Variants in NOTCH2 observed in about 807,000 individuals in gnomAD.
NOTCH2 encodes the protein notch receptor 2, also known as neurogenic locus notch homolog protein 2.
A neutral mutation model predicts 235.8 loss-of-function variants in NOTCH2; 29 were observed. The ratio of observed to expected loss-of-function variants is 0.12; its 90% CI spans 0.09 to 0.17. NOTCH2 has a LOEUF of 0.17. Ranked by LOEUF, NOTCH2 falls within the 10% of genes least tolerant of loss-of-function variation. The pLI is 1.00. For synonymous variants in NOTCH2, 1,086 were observed against 1,141.5 expected (o/e 0.95, Z 0.98); for missense variants, 2,285 against 3,150.2 (o/e 0.73, Z 6.57).
rs1453268280 is a variant in NOTCH2 at position 120,053,676 on chromosome 1, A to G, written c.73+15658T>C. 4.9e-5 allele frequency among the ~76,000 whole-genome samples: 7 copies of G among 141,832 alleles called. No individual in the cohort carries two copies. In the East Asian group the frequency reaches 1.4e-3, roughly 28 times the overall value. The allele number at this position is 141,832 out of a possible 152,430, so 93.0% of individuals were successfully genotyped here. On this transcript the variant is annotated intron_variant, in intron 1 of 33. Coordinates refer to ENST00000256646, the MANE Select transcript of NOTCH2 (RefSeq NM_024408.4). ...GGTGATCCATAATCTTGCGTTGGCC[A>G]TGAAGCAGAGCCTAAAAGGAGTCAT...
intron 3 of NOTCH2, 35 bp downstream of exon 3, chr1:120,005,294 G>C (rs782030340): frequency 6.2e-7 from 1 of 1,613,988 alleles, no homozygotes; most frequent in South Asian, 1.1e-5. Flanking sequence ...ATCTGCTGAA[G>C]GTAGGAAACC....
chr1:120,048,115 A>G (rs1553213939), intron 1 of NOTCH2, among the ~76,000 whole-genome samples: 1 of 149,210 alleles, frequency 6.7e-6, no homozygotes, highest in African/African-American at 2.5e-5. Context: ...TCTGTTTTTA[A>G]AAAGTGATTA....
At chr1:119,975,889 GA>G (rs1553200892) in intron 5 of NOTCH2, among the ~76,000 whole-genome samples, 1 of 152,088 alleles carries the variant, frequency 6.6e-6, no homozygotes, top group African/African-American at 2.4e-5. Context: ...ATCTGATTTG[GA>G]GCTACAAGTG....
In NOTCH2 at chr1:119,919,625, G is replaced by A. The variant is rs1649202373; in HGVS notation, c.5480-12C>T. Reference sequence around the variant, plus strand: ...TGGGGTGCAGCCATCTGTAGGAATGGAAAATTCCATAAAGTACTCAAGAAG... The same window carrying A: ...TGGGGTGCAGCCATCTGTAGGAATGAAAAATTCCATAAAGTACTCAAGAAG... On this transcript the variant is annotated splice_polypyrimidine_tract_variant and intron_variant, in intron 30 of 33. Transcript: ENST00000256646. 6.2e-7 allele frequency: 1 copy of A among 1,613,004 alleles called. No homozygotes were observed. The highest frequency in any genetic ancestry group is 1.3e-5 in the African/African-American group (1 of 75,048).
rs1649016510 is a variant in NOTCH2 at position 119,915,037 on chromosome 1, A to G, written c.*269T>C. The G allele has an allele frequency of 1.9e-6, 1 of 514,898 alleles. No individual in the cohort carries two copies. The highest frequency in any genetic ancestry group is 1.9e-5 in the African/African-American group (1 of 52,600). The allele number at this position is 514,898 out of a possible 1,614,324, so 31.9% of individuals were successfully genotyped here. On this transcript the variant is annotated 3_prime_UTR_variant, in exon 34 of 34. Transcript: ENST00000256646. The stretch of plus-strand genomic sequence containing the variant: ...AGCATCCATCTTATTCTCCAAATAG[A>G]AGAGAGTAAACATGGACCCAAGGCT...
In NOTCH2 at chr1:119,916,519, G is replaced by C. The variant is rs754182384; in HGVS notation, c.6203C>G (p.Thr2068Ser). Reference sequence around the variant, plus strand: ...CAACACGGTGCCTGGAGGGCTTGGGGTCACATTGTATTCATCCAGAAGGCG... The same window carrying C: ...CAACACGGTGCCTGGAGGGCTTGGGCTCACATTGTATTCATCCAGAAGGCG... ...IVRLLDEYNV[T>S]PSPPGTVLTS... The change falls in exon 34 of 34, where the codon ACC becomes AGC. Residue 2068 changes from threonine to serine, a missense_variant. Physicochemically the swap from Thr to Ser is moderately conservative, Grantham distance 58. Around this residue, in one of 6 missense-constraint regions of NOTCH2, gnomAD observed 504 missense variants for 538.0 expected, o/e 0.94. Transcript: ENST00000256646. 2 of 1,612,896 alleles carry C rather than the reference G, an allele frequency of 1.2e-6. No homozygotes were observed. Among genetic ancestry groups the C allele is most frequent in the Non-Finnish European group, 1.7e-6 (2 of 1,178,890 alleles).
chr1:119,966,729 A>G lies in NOTCH2; in HGVS notation c.1454-240T>C, dbSNP rs150263665. On this transcript the variant is annotated intron_variant, in intron 8 of 33. Transcript: ENST00000256646. The stretch of plus-strand genomic sequence containing the variant: ...GGGATTACATTAAAAGACATTGGCA[A>G]GACCTAGCATATAAACAAGGACTGC... Among the ~76,000 whole-genome samples the G allele has an allele frequency of 2.2e-3, 332 of 152,344 alleles. 1 individual carries two copies. The highest frequency in any genetic ancestry group is 7.4e-3 in the African/African-American group (309 of 41,578).
chr1:119,951,771 C>T (rs1253791560), intron 14 of NOTCH2, among the ~76,000 whole-genome samples: 1 of 152,216 alleles, frequency 6.6e-6, no homozygotes, highest in Non-Finnish European at 1.5e-5. Context: ...AACTATGGCA[C>T]TGTGGAAAAG....
At chr1:119,932,607 ATATCTATCTATC>A (rs61476083) in intron 22 of NOTCH2, among the ~76,000 whole-genome samples, 95 of 148,456 alleles carry the variant, frequency 6.4e-4, no homozygotes, top group South Asian at 2.0e-3. Flanking sequence ...AAACAAACAA[ATATCTATCTATC>A]TATCTATCTA....
At chr1:119,987,382 G>A (rs1570718241) in intron 4 of NOTCH2, among the ~76,000 whole-genome samples, 1 of 152,164 alleles carries the variant, frequency 6.6e-6, no homozygotes, top group African/African-American at 2.4e-5. Flanking sequence ...ACTTGGGACA[G>A]AGATATTCAA....
chr1:120,024,720 C>A (rs1268315427), intron 2 of NOTCH2, among the ~76,000 whole-genome samples: 1 of 152,176 alleles, frequency 6.6e-6, no homozygotes. Context: ...AATGCAAGCA[C>A]CCATCTACAG....
intron 1 of NOTCH2, among the ~76,000 whole-genome samples, chr1:120,033,284 G>A (rs587771842): frequency 2.8e-5 from 3 of 106,158 alleles, no homozygotes; most frequent in Middle Eastern, 3.9e-3. Flanking sequence ...ATTACAGCAC[G>A]CCAGTAATCG....
chr1:119,966,774 A>T (rs944923063), intron 8 of NOTCH2, among the ~76,000 whole-genome samples: 17 of 152,312 alleles, frequency 1.1e-4, no homozygotes, highest in African/African-American at 3.6e-4. Flanking sequence ...TCTGTGATAA[A>T]TCCATACTTT....
Position 119,916,575 on chromosome 1 carries a change from C to G in NOTCH2, c.6147G>C (p.Val2049=), listed in dbSNP as rs762164177. ...TDHMDRLPRD[V]ARDRMHHDIV... is the part of the protein sequence containing the mutation. ...TGTCATGGTGCATGCGATCCCGAGCCACATCCCGGGGAAGACGATCCATAT... is the reference window on the plus strand; with the variant it reads ...TGTCATGGTGCATGCGATCCCGAGCGACATCCCGGGGAAGACGATCCATAT... The change falls in exon 34 of 34, where the codon GTG becomes GTC. Residue 2049 remains valine (V), a synonymous_variant. Coordinates refer to ENST00000256646, the MANE Select transcript of NOTCH2 (RefSeq NM_024408.4). The G allele has an allele frequency of 6.2e-7, 1 of 1,614,094 alleles. No homozygotes were observed. The highest frequency in any genetic ancestry group is 1.1e-5 in the South Asian group (1 of 91,068).
At chr1:119,949,162 CA>C in intron 15 of NOTCH2, 36 bp from the exon 16 acceptor site, 1 of 1,613,918 alleles carries the variant, frequency 6.2e-7, no homozygotes, top group Non-Finnish European at 8.5e-7. Context: ...GACAGATAAA[CA>C]GGTAAGAAAA....
rs782404180 is a variant in NOTCH2 at position 119,953,616 on chromosome 1, A to T, written c.2292T>A (p.Asn764Lys). 7.6e-5 allele frequency: 123 copies of T among 1,614,014 alleles called. No individual in the cohort carries two copies. Among genetic ancestry groups the T allele is most frequent in the Non-Finnish European group, 1.0e-4 (118 of 1,179,990 alleles). The change falls in exon 14 of 34, where the codon AAT becomes AAA. Residue 764 changes from asparagine (N) to lysine (K), a missense_variant. Around this residue, in one of 6 missense-constraint regions of NOTCH2, gnomAD observed 1,173 missense variants for 1,515.3 expected, o/e 0.77. Transcript: ENST00000256646. Reference protein sequence around the residue: ...CEVDKNECLSNPCQNGGTCDN... With the variant: ...CEVDKNECLSKPCQNGGTCDN... ...CACAAGTTCCTCCATTCTGGCATGG[A>T]TTCGAAAGGCATTCATTTTTGTCCA...
intron 1 of NOTCH2, among the ~76,000 whole-genome samples, chr1:120,040,803 C>T (rs587607768): frequency 1.2e-3 from 185 of 149,386 alleles, no homozygotes; most frequent in African/African-American, 4.2e-3. Context: ...TTTGGGAGGC[C>T]GAGGTGGGCG....
At chr1:119,971,886 G>C (rs587770917) in intron 5 of NOTCH2, among the ~76,000 whole-genome samples, 3 of 152,092 alleles carry the variant, frequency 2.0e-5, no homozygotes, top group African/African-American at 7.2e-5. Flanking sequence ...AATTTGAAAC[G>C]AGGCTGTGTC....
chr1:119,935,333 TACTAGGATGTAGA>T, intron 22 of NOTCH2, 126 bp downstream of exon 22: 1 of 1,595,748 alleles, frequency 6.3e-7, no homozygotes, highest in Non-Finnish European at 8.5e-7. Context: ...TGGCTTGAAT[TACTAGGATGTAGA>T]ACTAAATGCT....
Sources: allele counts gnomAD v4.1 joint callset (sites outside exome capture counted in the v4.1 genomes callset), GRCh38; gene constraint gnomAD v4.1.1; regional missense constraint gnomAD v4.1.1; transcripts MANE v1.5; gene names NCBI Gene and HGNC (gene_info 2026-07-23, HGNC 2026-07-21).